Variants in SH3TC2 observed in about 807,000 individuals in gnomAD.
The protein encoded by SH3TC2 is SH3 domain and tetratricopeptide repeats 2.
Under a neutral mutation model 124.5 loss-of-function variants are expected in SH3TC2, and 87 were observed. The observed-to-expected ratio is 0.70, with a 90% confidence interval of 0.59 to 0.84. The LOEUF (loss-of-function observed/expected upper bound fraction) is 0.84, where lower values mean the gene tolerates loss of function less well. Among genes scored for constraint, SH3TC2 ranks in the 40% least tolerant of loss-of-function variants. The probability of loss-of-function intolerance (pLI) is 0.00; values close to 1 mark genes in which losing one functional copy is unlikely to be tolerated. For synonymous variants in SH3TC2, 634 were observed against 628.5 expected, an observed-to-expected ratio of 1.01 and a Z score of -0.13; for missense variants, 1,536 against 1,566.4, an observed-to-expected ratio of 0.98 and a Z score of 0.33.
At chr5:149,035,856 C>T (rs1754275050) in intron 8 of SH3TC2, 1 of 152,196 alleles carries the variant, frequency 6.6e-6, no homozygotes, top group African/African-American at 2.4e-5. Context: ...TGCTGACTTA[C>T]TGTCATTTGA....
At chr5:149,052,292 C>T (rs1395044791) in intron 1 of SH3TC2, 52 bp from the exon 2 acceptor site, 19 of 1,402,242 alleles carry the variant, frequency 1.4e-5, no homozygotes, top group Non-Finnish European at 1.8e-5. Context: ...AAGTTGAAAG[C>T]AAGTTATAAG....
chr5:149,052,275 T>G, intron 1 of SH3TC2, 35 bp from the exon 2 acceptor site: 3 of 1,527,560 alleles, frequency 2.0e-6, no homozygotes, highest in South Asian at 1.1e-5. Context: ...ATCTTAAGAG[T>G]GTAAGGAAGT....
At position 149,001,627 on chromosome 5, in the gene SH3TC2, G is replaced by C. The variant is rs1326003525; in HGVS notation, c.*3084C>G. On this transcript the variant is annotated 3_prime_UTR_variant, in exon 17 of 17. Coordinates refer to ENST00000515425, the MANE Select transcript of SH3TC2 (RefSeq NM_024577.4). The stretch of plus-strand genomic sequence containing the variant: ...TTAAACACTTTTTAAAAGAGTTTTA[G>C]CAAGCGGTTTACATATAGAATGTAG... 1 of 152,152 alleles carries C rather than the reference G, an allele frequency of 6.6e-6. No individual in the cohort carries two copies. The highest frequency in any genetic ancestry group is 1.5e-5 in the Non-Finnish European group (1 of 68,034). The allele number at this position is 152,152 out of a possible 1,614,324, so 9.4% of individuals were successfully genotyped here. A position where few individuals can be genotyped will look rare whatever the true frequency, so the allele number is the denominator to read the frequency against.
In SH3TC2 at chr5:148,985,695, A is replaced by C. The variant is rs2127387022; in HGVS notation, c.*19016T>G. 6.6e-6 allele frequency among the ~76,000 whole-genome samples: 1 copy of C among 152,296 alleles called. No homozygotes were observed. Among genetic ancestry groups the C allele is most frequent in the South Asian group, 2.1e-4 (1 of 4,828 alleles). ...TTGTGTATAGGCTTTTGTATACATAAGTTTTCATTTCTTTGATATAAATAC... is the reference window on the plus strand; with the variant it reads ...TTGTGTATAGGCTTTTGTATACATACGTTTTCATTTCTTTGATATAAATAC... On this transcript the variant is annotated 3_prime_UTR_variant, in exon 17 of 17. Transcript: ENST00000515425.
At chr5:149,022,189 A>G (rs534659278) in intron 12 of SH3TC2, among the ~76,000 whole-genome samples, 7 of 152,132 alleles carry the variant, frequency 4.6e-5, no homozygotes, top group African/African-American at 1.7e-4. Flanking sequence ...AATGTTTACA[A>G]CTCAAAAATC....
intron 12 of SH3TC2, among the ~76,000 whole-genome samples, chr5:149,017,656 C>T (rs1045442011): frequency 6.6e-6 from 1 of 152,156 alleles, no homozygotes; most frequent in African/African-American, 2.4e-5. Flanking sequence ...ACCAGTGAAA[C>T]CAAGTGGTGA....
In SH3TC2 at chr5:149,000,243, G is replaced by A. The variant is rs1231684020; in HGVS notation, c.*4468C>T. ...TTCCCTGAAATGTGTGCCCAAACCT[G>A]GCATTGAATGACACTGACCCTCCTC... On this transcript the variant is annotated 3_prime_UTR_variant, in exon 17 of 17. Coordinates refer to ENST00000515425, the MANE Select transcript of SH3TC2 (RefSeq NM_024577.4). 6.6e-6 allele frequency among the ~76,000 whole-genome samples: 1 copy of A among 152,094 alleles called. No individual in the cohort carries two copies.
rs886060143 is a variant in SH3TC2, at chr5:148,994,651, G to A, written c.*10060C>T. Among the ~76,000 whole-genome samples, 2 of 145,638 alleles carry A rather than the reference G, an allele frequency of 1.4e-5. No individual in the cohort carries two copies. Among genetic ancestry groups the A allele is most frequent in the Non-Finnish European group, 3.0e-5 (2 of 66,438 alleles). On this transcript the variant is annotated 3_prime_UTR_variant, in exon 17 of 17. Coordinates refer to ENST00000515425, the MANE Select transcript of SH3TC2 (RefSeq NM_024577.4). ...GGTTGGTTGGTTGGTTGGTTGGTTG[G>A]TTGGTTGGTTAATTGGCTGGTTGGA... is the stretch of plus-strand genomic sequence containing the variant.
chr5:149,038,792 T>C (rs537216593), intron 7 of SH3TC2, among the ~76,000 whole-genome samples: 1 of 152,322 alleles, frequency 6.6e-6, no homozygotes, highest in East Asian at 1.9e-4. Flanking sequence ...TGAATAAACA[T>C]AGCTTATGGG....
At position 148,993,919 on chromosome 5, in the gene SH3TC2, G is replaced by C. The variant is rs931172759; in HGVS notation, c.*10792C>G. On this transcript the variant is annotated 3_prime_UTR_variant, in exon 17 of 17. Coordinates refer to ENST00000515425, the MANE Select transcript of SH3TC2 (RefSeq NM_024577.4). ...AATAGCCAACACTTATATAACATGGGCCAGGCACTTTACATATATTCACAC... is the reference window on the plus strand; with the variant it reads ...AATAGCCAACACTTATATAACATGGCCCAGGCACTTTACATATATTCACAC... Among the ~76,000 whole-genome samples the C allele has an allele frequency of 6.6e-6, 1 of 152,160 alleles. No homozygotes were observed. The highest frequency in any genetic ancestry group is 2.4e-5 in the African/African-American group (1 of 41,436).
chr5:149,043,661 T>C (rs1400140756), intron 4 of SH3TC2: 1 of 152,056 alleles, frequency 6.6e-6, no homozygotes, highest in Non-Finnish European at 1.5e-5. Context: ...TTTTTTTTTT[T>C]TAACAGACTC....
rs1002244232 is a variant in SH3TC2 at position 148,983,170 on chromosome 5, A to T, written c.*21541T>A. 2.0e-5 allele frequency among the ~76,000 whole-genome samples: 3 copies of T among 152,266 alleles called. No individual in the cohort carries two copies. The highest frequency in any genetic ancestry group is 1.5e-5 in the Non-Finnish European group (1 of 68,042). On this transcript the variant is annotated 3_prime_UTR_variant, in exon 17 of 17. Coordinates refer to ENST00000515425, the MANE Select transcript of SH3TC2 (RefSeq NM_024577.4). The stretch of plus-strand genomic sequence containing the variant: ...TGGCTTAAAGCACATGCTGTATAAA[A>T]CATGTCCTGTTAAAAGCATTTTGAG...
In SH3TC2 at chr5:148,990,512, C is replaced by T. The variant is rs887712591; in HGVS notation, c.*14199G>A. Among the ~76,000 whole-genome samples, 6 of 152,114 alleles carry T rather than the reference C, an allele frequency of 3.9e-5. No homozygotes were observed. Among genetic ancestry groups the T allele is most frequent in the South Asian group, 2.1e-4 (1 of 4,826 alleles). On this transcript the variant is annotated 3_prime_UTR_variant, in exon 17 of 17. Coordinates refer to ENST00000515425, the MANE Select transcript of SH3TC2 (RefSeq NM_024577.4). ...AAAGGAGATCAGAGCAGCTTGGTGG[C>T]GAACAGCATGGGCCCTTGGACCAGA...
chr5:149,051,286 G>A (rs888993686), intron 2 of SH3TC2, among the ~76,000 whole-genome samples: 1 of 152,150 alleles, frequency 6.6e-6, no homozygotes, highest in African/African-American at 2.4e-5. Flanking sequence ...TGAAAGATTC[G>A]TACAGATGCC....
chr5:149,050,965 C>T (rs1362289460), intron 2 of SH3TC2, among the ~76,000 whole-genome samples: 1 of 152,188 alleles, frequency 6.6e-6, no homozygotes, highest in African/African-American at 2.4e-5. Context: ...CATTCTGTTT[C>T]TCATCAGCTA....
intron 8 of SH3TC2, among the ~76,000 whole-genome samples, chr5:149,037,732 A>C (rs1316966559): frequency 6.6e-6 from 1 of 152,106 alleles, no homozygotes; most frequent in Non-Finnish European, 1.5e-5. Flanking sequence ...GAGCAGGCTG[A>C]TCACCTTCTC....
rs767900839 is a variant in SH3TC2 at position 149,031,625 on chromosome 5, T to A, written c.1064A>T (p.Asp355Val). Residue 355 changes from aspartate to valine, a missense_variant, in exon 9 of 17, where the codon GAT becomes GTT. Physicochemically the swap from Asp to Val is radical, Grantham distance 152. Coordinates refer to ENST00000515425, the MANE Select transcript of SH3TC2 (RefSeq NM_024577.4). The stretch of plus-strand genomic sequence containing the variant: ...GAAGCTGGAACACTCAGTCTGCTTA[T>A]CACTTCCCAGGGCCAACAGGGAGCA... ...ERCSLLALGSDKQTECSSFLH... is the reference protein window; with the variant it reads ...ERCSLLALGSVKQTECSSFLH... 7 of 1,614,110 alleles carry A rather than the reference T, an allele frequency of 4.3e-6. No homozygotes were observed. The highest frequency in any genetic ancestry group is 5.9e-6 in the Non-Finnish European group (7 of 1,180,024).
In SH3TC2 at chr5:149,002,938, A is replaced by G. The variant is rs1159571399; in HGVS notation, c.*1773T>C. On this transcript the variant is annotated 3_prime_UTR_variant, in exon 17 of 17. Transcript: ENST00000515425. The stretch of plus-strand genomic sequence containing the variant: ...TGCTTCCCATACTTTAGGGTGCATT[A>G]AAATCACCAGGAAAGCTTGGACGAG... 1 of 152,894 alleles carries G rather than the reference A, an allele frequency of 6.5e-6. No homozygotes were observed. Among genetic ancestry groups the G allele is most frequent in the Non-Finnish European group, 1.5e-5 (1 of 68,054 alleles). 9.5% of individuals were successfully genotyped at this position (152,894 alleles called of 1,614,324 possible). A position where few individuals can be genotyped will look rare whatever the true frequency, so the allele number is the denominator to read the frequency against.
At chr5:149,040,208 A>G (rs36066) in intron 7 of SH3TC2, among the ~76,000 whole-genome samples, 36,636 of 152,140 alleles carry the variant, frequency 0.24, 4,961 homozygotes, top group African/African-American at 0.36. Context: ...CAAAACTCTA[A>G]GGGAAATTAG....
Sources: allele counts gnomAD v4.1 joint callset (sites outside exome capture counted in the v4.1 genomes callset), GRCh38; gene constraint gnomAD v4.1.1; transcripts MANE v1.5; gene names NCBI Gene and HGNC (gene_info 2026-07-23, HGNC 2026-07-21).